GNE: variants seen among roughly 807,000 people sequenced by gnomAD.
GNE encodes glucosamine (UDP-N-acetyl)-2-epimerase/N-acetylmannosamine kinase.
Under a neutral mutation model 61.8 loss-of-function variants are expected in GNE, and 41 were observed. The observed-to-expected ratio is 0.66, with a 90% CI of 0.52 to 0.86. The LOEUF (loss-of-function observed/expected upper bound fraction) is 0.86, where lower values mean the gene tolerates loss of function less well. Among genes scored for constraint, GNE ranks in the 40% least tolerant of loss-of-function variants. The pLI is 0.00. For missense variants in GNE, 608 were observed against 909.1 expected, an observed-to-expected ratio of 0.67 and a Z score of 4.26; for synonymous variants, 264 against 326.4, an observed-to-expected ratio of 0.81 and a Z score of 2.06.
chr9:36,258,281 G>A, intron 1 of GNE, 40 bp downstream of exon 1: 1 of 977,426 alleles, frequency 1.0e-6, no homozygotes, highest in Non-Finnish European at 1.2e-6. Flanking sequence ...GGGTGGGCAG[G>A]ATGCTCTCCC....
chr9:36,266,689 C>G (rs983268690), intron 1 of GNE, among the ~76,000 whole-genome samples: 1 of 152,146 alleles, frequency 6.6e-6, no homozygotes, highest in African/African-American at 2.4e-5. Flanking sequence ...GCAGGCGGAT[C>G]ACAAGGTCAG....
At chr9:36,261,656 C>G (rs936979562), upstream of GNE, among the ~76,000 whole-genome samples, 1 of 151,444 alleles carries the variant, frequency 6.6e-6, no homozygotes, top group Non-Finnish European at 1.5e-5. Flanking sequence ...CGTGGTGGCT[C>G]AAGCTTGTAA....
intron 9 of GNE, 75 bp from the exon 10 acceptor site, chr9:36,220,095 A>G (rs746490056): frequency 5.9e-5 from 72 of 1,218,398 alleles, no homozygotes; most frequent in South Asian, 2.1e-4. Context: ...CGCCTCATCT[A>G]TTTAGCAGAG....
chr9:36,249,101 G>C, intron 2 of GNE, 91 bp downstream of exon 2: 1 of 987,674 alleles, frequency 1.0e-6, no homozygotes, highest in South Asian at 1.3e-5. Flanking sequence ...CAGCAGAACA[G>C]GAATTTGAAG....
At chr9:36,249,071 A>C in intron 2 of GNE, 121 bp downstream of exon 2, 1 of 771,500 alleles carries the variant, frequency 1.3e-6, no homozygotes, top group Non-Finnish European at 2.3e-6. Context: ...TGACTACTCT[A>C]AGGCCACATA....
At chr9:36,270,939 C>G (rs1414056462) in intron 1 of GNE, among the ~76,000 whole-genome samples, 1 of 152,192 alleles carries the variant, frequency 6.6e-6, no homozygotes, top group Non-Finnish European at 1.5e-5. Context: ...TCTATTTCTT[C>G]TTGTCCTTCC....
At chr9:36,274,610 A>G (rs1831187491) in intron 1 of GNE, among the ~76,000 whole-genome samples, 1 of 151,758 alleles carries the variant, frequency 6.6e-6, no homozygotes, top group African/African-American at 2.4e-5. Flanking sequence ...TCTGACTCAT[A>G]CTTTCTCAAA....
Position 36,237,930 on chromosome 9 carries a change from A to C in GNE, c.617-946T>G, listed in dbSNP as rs534506888. ...TACAATGTTTGGTTTTCCATTCCTGAGTTACTTCACTTAGAATAATAGTGT... is the reference window on the plus strand; with the variant it reads ...TACAATGTTTGGTTTTCCATTCCTGCGTTACTTCACTTAGAATAATAGTGT... On this transcript the variant is annotated intron_variant, in intron 3 of 11. Transcript: ENST00000642385. Among the ~76,000 whole-genome samples, 3 of 152,056 alleles carry C rather than the reference A, an allele frequency of 2.0e-5. 1 individual carries two copies. Among genetic ancestry groups the C allele is most frequent in the African/African-American group, 7.2e-5 (3 of 41,448 alleles).
Position 36,265,156 on chromosome 9 carries a change from C to T in GNE, c.51+11738G>A, listed in dbSNP as rs1440792997. On this transcript the variant is annotated intron_variant, in intron 1 of 11. Coordinates refer to the GNE transcript ENST00000396594. ...CTGAAGGCTTGCCGTTGTTCCTGCA[C>T]GGCAAGTGCCTGGGTTCGTCCTAAT... 6 of 303,360 alleles carry T rather than the reference C, an allele frequency of 2.0e-5. 1 individual carries two copies. The highest frequency in any genetic ancestry group is 1.2e-4 in the South Asian group (4 of 33,146). 18.8% of individuals were successfully genotyped at this position (303,360 alleles called of 1,614,324 possible).
At chr9:36,265,124 G>A (rs1377785386) in intron 1 of GNE, 3 of 284,968 alleles carry the variant, frequency 1.1e-5, no homozygotes, top group Non-Finnish European at 2.1e-5. Context: ...TGCTGCTCCC[G>A]ATCGGGCTGA....
intron 6 of GNE, among the ~76,000 whole-genome samples, chr9:36,228,051 AC>A (rs1251417145): frequency 0.01 from 1,500 of 149,414 alleles, 31 homozygotes; most frequent in African/African-American, 0.035. Context: ...AAAAAAAAAA[AC>A]AACCAACAAT....
chr9:36,260,752 C>G (rs1830585013), upstream of GNE, among the ~76,000 whole-genome samples: 1 of 151,442 alleles, frequency 6.6e-6, no homozygotes, highest in Non-Finnish European at 1.5e-5. Context: ...GCCTGTAGTC[C>G]CAGCTACTCG....
intron 3 of GNE, 134 bp from the exon 4 acceptor site, chr9:36,237,118 A>C: frequency 1.4e-6 from 1 of 712,372 alleles, no homozygotes. Context: ...TCAAATTGTG[A>C]ACAGGGCATC....
At chr9:36,267,094 A>T (rs1181899529) in intron 1 of GNE, among the ~76,000 whole-genome samples, 2 of 152,212 alleles carry the variant, frequency 1.3e-5, no homozygotes, top group Non-Finnish European at 2.9e-5. Context: ...GGCTGAAAAT[A>T]ATTCAGCAAT....
Position 36,234,026 on chromosome 9 carries a change from G to C in GNE, c.876C>G (p.Ala292=). 1 of 1,614,092 alleles carries C rather than the reference G, an allele frequency of 6.2e-7. No individual in the cohort carries two copies. The highest frequency in any genetic ancestry group is 8.5e-7 in the Non-Finnish European group (1 of 1,179,964). ...VPFDQFIQLV[A]HAGCMIGNSS... is the part of the protein sequence containing the mutation. Reference sequence around the variant, plus strand: ...TGTTCCCAATCATACAGCCAGCATGGGCAACCAACTGTATAAACTGGTCAA... The same window carrying C: ...TGTTCCCAATCATACAGCCAGCATGCGCAACCAACTGTATAAACTGGTCAA... Residue 292 remains alanine (A), a synonymous_variant, in exon 5 of 12, where the codon GCC becomes GCG. Transcript: ENST00000642385.
At chr9:36,259,076 A>C (rs965341190), upstream of GNE, among the ~76,000 whole-genome samples, 2 of 152,206 alleles carry the variant, frequency 1.3e-5, no homozygotes, top group African/African-American at 4.8e-5. Flanking sequence ...GAAGATAAAT[A>C]AGACTTTGGG....
intron 6 of GNE, among the ~76,000 whole-genome samples, 156 bp from the exon 7 acceptor site, chr9:36,227,614 C>T: frequency 6.6e-6 from 1 of 152,158 alleles, no homozygotes; most frequent in East Asian, 1.9e-4. Flanking sequence ...TGGCTCACAC[C>T]TGTAATCCCA....
chr9:36,234,138 A>G lies in GNE; in HGVS notation c.770-6T>C. 6.2e-7 allele frequency: 1 copy of G among 1,608,834 alleles called. No homozygotes were observed. The highest frequency in any genetic ancestry group is 8.5e-7 in the Non-Finnish European group (1 of 1,175,178). ...TCGAACCATCTCTTTGCTCCCTATG[A>G]AAATGAAAAGAACCAATTGGTAAAT... is the stretch of plus-strand genomic sequence containing the variant. On this transcript the variant is annotated splice_region_variant and splice_polypyrimidine_tract_variant and intron_variant, in intron 4 of 11. Coordinates refer to ENST00000642385, the MANE Select transcript of GNE (RefSeq NM_005476.7).
chr9:36,255,702 A>G (rs865806162), intron 1 of GNE, among the ~76,000 whole-genome samples: 74 of 152,350 alleles, frequency 4.9e-4, no homozygotes, highest in African/African-American at 1.6e-3. Flanking sequence ...AAGTAGGTGC[A>G]TTGTCCAGCA....
Sources: allele counts gnomAD v4.1 joint callset (sites outside exome capture counted in the v4.1 genomes callset), GRCh38; gene constraint gnomAD v4.1.1; transcripts MANE v1.5; gene names NCBI Gene and HGNC (gene_info 2026-07-23, HGNC 2026-07-21).